DLGAP2: variants seen among roughly 807,000 people sequenced by gnomAD.
DLGAP2 encodes disks large-associated protein 2.
DLGAP2 carries 26 observed loss-of-function variants against 100.3 expected under a neutral mutation model. The ratio of observed to expected loss-of-function variants is 0.26; its 90% CI spans 0.19 to 0.36. The LOEUF (loss-of-function observed/expected upper bound fraction) is 0.36. Ranked by LOEUF, DLGAP2 falls within the 10% of genes least tolerant of loss-of-function variation. The pLI is 1.00. For missense variants in DLGAP2, 1,858 were observed against 1,453.2 expected, an observed-to-expected ratio of 1.28 and a Z score of -4.53; for synonymous variants, 886 against 630.1, an observed-to-expected ratio of 1.41 and a Z score of -6.08.
chr8:1,309,298 A>G (rs575375153), intron 3 of DLGAP2, among the ~76,000 whole-genome samples: 1 of 152,358 alleles, frequency 6.6e-6, no homozygotes, highest in African/African-American at 2.4e-5. Flanking sequence ...TTTGCAAAAG[A>G]CATGTTATAA....
In DLGAP2 at chr8:981,359, T is replaced by C. The variant is rs1191425051; in HGVS notation, c.73+73393T>C. Among the ~76,000 whole-genome samples the C allele has an allele frequency of 2.6e-5, 4 of 152,172 alleles. 1 individual carries two copies. The highest frequency in any genetic ancestry group is 2.6e-4 in the Admixed American group (4 of 15,276). On this transcript the variant is annotated intron_variant, in intron 2 of 14. Transcript: ENST00000637795. ...TTGGCTGTGTCCCACCTTTTGTCTA[T>C]TGTGCTATTGTGAATAAGGCAACAA...
intron 2 of DLGAP2, among the ~76,000 whole-genome samples, chr8:1,174,431 A>G (rs899404266): frequency 6.6e-6 from 1 of 151,902 alleles, no homozygotes; most frequent in Non-Finnish European, 1.5e-5. Flanking sequence ...TACCATTACC[A>G]CCATCATTGC....
rs149638917 is a variant in DLGAP2, at chr8:1,248,497, TG to T, written c.74-10351del. 24 of 89,456 alleles carry T rather than the reference TG, an allele frequency of 2.7e-4. 1 individual carries two copies. The highest frequency in any genetic ancestry group is 5.5e-4 in the Admixed American group (5 of 9,118). 5.5% of individuals were successfully genotyped at this position (89,456 alleles called of 1,614,324 possible). Reference sequence around the variant, plus strand: ...GCCGGGAAGACCTTTGAGATCAGTGTGGGAGTGATGGTCCATGTCTGTGGCC... The same window carrying T: ...GCCGGGAAGACCTTTGAGATCAGTGTGGAGTGATGGTCCATGTCTGTGGCC... On this transcript the variant is annotated intron_variant, in intron 2 of 14. Coordinates refer to ENST00000637795, the MANE Select transcript of DLGAP2 (RefSeq NM_001346810.2).
At chr8:1,245,245 A>T (rs1273225074) in intron 2 of DLGAP2, among the ~76,000 whole-genome samples, 1 of 152,212 alleles carries the variant, frequency 6.6e-6, no homozygotes, top group Non-Finnish European at 1.5e-5. Flanking sequence ...CTTGGTACAT[A>T]CCCAAGAGAA....
chr8:1,205,138 C>G (rs748200633), intron 2 of DLGAP2, among the ~76,000 whole-genome samples: 6 of 152,184 alleles, frequency 3.9e-5, no homozygotes, highest in Non-Finnish European at 8.8e-5. Context: ...TCTCACGTCC[C>G]TTGTCCTGGA....
chr8:1,220,582 G>A (rs1452433618), intron 2 of DLGAP2, among the ~76,000 whole-genome samples: 1 of 152,010 alleles, frequency 6.6e-6, no homozygotes, highest in African/African-American at 2.4e-5. Context: ...TTCTGTTGTT[G>A]TTGGGGAGAG....
intron 2 of DLGAP2, among the ~76,000 whole-genome samples, chr8:1,096,476 G>T (rs931149488): frequency 6.6e-6 from 1 of 152,134 alleles, no homozygotes; most frequent in Non-Finnish European, 1.5e-5. Flanking sequence ...CTACCTCCCT[G>T]TGCTCCAGAG....
intron 2 of DLGAP2, among the ~76,000 whole-genome samples, chr8:1,122,302 T>A (rs955256795): frequency 1.3e-5 from 2 of 152,160 alleles, no homozygotes; most frequent in Non-Finnish European, 2.9e-5. Flanking sequence ...GCCAGTTGGA[T>A]CCTCTGGTCA....
chr8:894,709 G>T (rs1219823481), intron 1 of DLGAP2, among the ~76,000 whole-genome samples: 3 of 144,762 alleles, frequency 2.1e-5, no homozygotes, highest in Non-Finnish European at 4.5e-5. Flanking sequence ...GGTGGCATGG[G>T]AAGAGCAGAG....
intron 2 of DLGAP2, among the ~76,000 whole-genome samples, chr8:1,217,389 G>T (rs7387495): frequency 6.6e-6 from 1 of 151,982 alleles, no homozygotes; most frequent in African/African-American, 2.4e-5. Flanking sequence ...CCATGTCTTT[G>T]CTATTGTGAA....
At chr8:914,874 T>C (rs927535837) in intron 2 of DLGAP2, among the ~76,000 whole-genome samples, 2 of 152,222 alleles carry the variant, frequency 1.3e-5, no homozygotes, top group Admixed American at 1.3e-4. Context: ...GGTGCAGATC[T>C]GTGGGGCTGG....
intron 3 of DLGAP2, among the ~76,000 whole-genome samples, chr8:1,285,678 C>G (rs556517047): frequency 6.6e-6 from 1 of 152,296 alleles, no homozygotes; most frequent in East Asian, 1.9e-4. Context: ...CATAAATACA[C>G]CTTAAATACT....
At chr8:1,131,720 G>A (rs937854707) in intron 2 of DLGAP2, among the ~76,000 whole-genome samples, 1 of 152,032 alleles carries the variant, frequency 6.6e-6, no homozygotes, top group African/African-American at 2.4e-5. Flanking sequence ...TGTTTGCTTT[G>A]GGGTTCTGGT....
At chr8:849,344 A>C (rs1797137429) in intron 1 of DLGAP2, among the ~76,000 whole-genome samples, 1 of 152,232 alleles carries the variant, frequency 6.6e-6, no homozygotes, top group African/African-American at 2.4e-5. Context: ...CTATGGATTC[A>C]TTTGCTGAAA....
At chr8:808,986 A>G (rs1219399904) in intron 1 of DLGAP2, among the ~76,000 whole-genome samples, 2 of 148,814 alleles carry the variant, frequency 1.3e-5, no homozygotes, top group Non-Finnish European at 3.0e-5. Context: ...GGCTCACTGC[A>G]GCCTCCACCT....
At chr8:928,392 G>A (rs1384496003) in intron 2 of DLGAP2, among the ~76,000 whole-genome samples, 2 of 152,140 alleles carry the variant, frequency 1.3e-5, no homozygotes, top group African/African-American at 2.4e-5. Context: ...AATGTGTTCA[G>A]TAGGTGTCCT....
intron 6 of DLGAP2, among the ~76,000 whole-genome samples, chr8:1,577,393 A>G (rs1367168852): frequency 6.6e-6 from 1 of 151,880 alleles, no homozygotes. Context: ...ACATGGCAAA[A>G]CCCCATCTTT....
chr8:1,017,596 G>GTA (rs1423157777), intron 2 of DLGAP2, among the ~76,000 whole-genome samples: 16 of 141,874 alleles, frequency 1.1e-4, no homozygotes, highest in South Asian at 8.6e-4. Context: ...TCCACTGTGT[G>GTA]TGACCAGGAC....
chr8:1,099,900 C>T (rs1002817327), intron 2 of DLGAP2, among the ~76,000 whole-genome samples: 3 of 152,214 alleles, frequency 2.0e-5, no homozygotes, highest in Non-Finnish European at 4.4e-5. Flanking sequence ...TTCTATTATG[C>T]CGCAAAGCTC....
Sources: allele counts gnomAD v4.1 joint callset (sites outside exome capture counted in the v4.1 genomes callset), GRCh38; gene constraint gnomAD v4.1.1; transcripts MANE v1.5; gene names NCBI Gene and HGNC (gene_info 2026-07-23, HGNC 2026-07-21).